Variants in PPFIA4 observed in about 807,000 individuals in gnomAD.
PPFIA4 encodes the protein PPFI scaffold protein A4, also known as liprin-alpha-4.
PPFIA4 carries 98 observed loss-of-function variants against 145.7 expected under a neutral mutation model. The observed-to-expected ratio is 0.67, with a 90% CI of 0.57 to 0.80. The LOEUF (loss-of-function observed/expected upper bound fraction) is 0.80. PPFIA4 is among the 30% of genes least tolerant of loss of function. The pLI, the probability that PPFIA4 is intolerant of heterozygous loss-of-function variation, is 0.00. For synonymous variants in PPFIA4, 628 were observed against 649.6 expected (o/e 0.97, Z 0.51); for missense variants, 1,457 against 1,632.7 (o/e 0.89, Z 1.85).
intron 28 of PPFIA4, among the ~76,000 whole-genome samples, chr1:203,072,825 A>C (rs1662262147): frequency 6.6e-6 from 1 of 152,180 alleles, no homozygotes. Flanking sequence ...GGGAGAAAAG[A>C]ATAGACTTAT....
rs1371466295 is a variant in PPFIA4, at chr1:203,058,136, C to G, written c.2408-1042C>G. Among the ~76,000 whole-genome samples, 3 of 152,020 alleles carry G rather than the reference C, an allele frequency of 2.0e-5. No homozygotes were observed. In the East Asian group the frequency reaches 5.8e-4, roughly 29 times the overall value. On this transcript the variant is annotated intron_variant, in intron 19 of 29. Transcript: ENST00000295706. ...AACTAGAATAAAGGAACCTTTGGACCCAAATGCATAATTAGACCTTTCTGC... is the reference window on the plus strand; with the variant it reads ...AACTAGAATAAAGGAACCTTTGGACGCAAATGCATAATTAGACCTTTCTGC...
chr1:203,067,071 C>G (rs1661773164), intron 25 of PPFIA4, among the ~76,000 whole-genome samples: 1 of 152,116 alleles, frequency 6.6e-6, no homozygotes, highest in Admixed American at 6.5e-5. Context: ...GACATTTAAG[C>G]AAAGACTTAA....
Position 203,076,547 on chromosome 1 carries a change from A to T in PPFIA4, c.*157A>T. On this transcript the variant is annotated 3_prime_UTR_variant, in exon 30 of 30. Coordinates refer to ENST00000295706, the MANE Select transcript of PPFIA4 (RefSeq NM_001304331.2). The stretch of plus-strand genomic sequence containing the variant: ...GAATATATTCGTCCACCCCCTCGGC[A>T]CCCCATTACCCCGAGTCCCACCGTG... 1 of 684,594 alleles carries T rather than the reference A, an allele frequency of 1.5e-6. No homozygotes were observed. The highest frequency in any genetic ancestry group is 2.5e-6 in the Non-Finnish European group (1 of 399,360). The allele number at this position is 684,594 out of a possible 1,614,324, so 42.4% of individuals were successfully genotyped here. A position where few individuals can be genotyped will look rare whatever the true frequency, so the allele number is the denominator to read the frequency against.
At chr1:203,061,248 G>A in intron 23 of PPFIA4, 1 of 592,578 alleles carries the variant, frequency 1.7e-6, no homozygotes, top group East Asian at 2.9e-5. Flanking sequence ...TCCTTCCCAG[G>A]AGGTCACAAG....
intron 1 of PPFIA4, among the ~76,000 whole-genome samples, chr1:203,037,660 T>A (rs1465176099): frequency 6.6e-6 from 1 of 152,238 alleles, no homozygotes; most frequent in Non-Finnish European, 1.5e-5. Context: ...ATTGGGCTCC[T>A]GTGCCAGGCT....
At position 203,075,703 on chromosome 1, in the gene PPFIA4, A is replaced by G; in HGVS notation, c.3520A>G (p.Thr1174Ala). 6.9e-7 allele frequency: 1 copy of G among 1,451,642 alleles called. No homozygotes were observed. The allele number at this position is 1,451,642 out of a possible 1,614,324, so 89.9% of individuals were successfully genotyped here. The change falls in exon 29 of 30, where the codon ACC becomes GCC. Residue 1174 changes from threonine (T) to alanine (A), a missense_variant. Transcript: ENST00000295706. This position sits in a 1 kb window ranked among gnomAD's most constrained non-coding sequence, Gnocchi z 4.1. ...ETLPAGFRVS[T>A]LGTLQPPPAP... is the part of the protein sequence containing the mutation. ...CCTCCCGGCGGGCTTCCGTGTGTCC[A>G]CCCTGGGGACCCTGCAGCCCCCACC...
At chr1:203,059,297 C>T (rs1331002674) in intron 20 of PPFIA4, 26 bp downstream of exon 20, 1 of 1,466,222 alleles carries the variant, frequency 6.8e-7, no homozygotes, top group Non-Finnish European at 9.4e-7. Flanking sequence ...CAGGGTCTGC[C>T]AGGGTGGGGC....
chr1:203,049,087 C>A, intron 12 of PPFIA4, 107 bp downstream of exon 12: 1 of 1,058,936 alleles, frequency 9.4e-7, no homozygotes, highest in Non-Finnish European at 1.4e-6. Flanking sequence ...AGTGTTAGTG[C>A]ATATGTTAGT....
At position 203,075,598 on chromosome 1, in the gene PPFIA4, C is replaced by G; in HGVS notation, c.3415C>G (p.Arg1139Gly). Residue 1139 changes from arginine (R) to glycine (G), a missense_variant, in exon 29 of 30, where the codon CGC (arginine) becomes GGC (glycine). Arg to Gly is a moderately radical substitution (Grantham distance 125). Transcript: ENST00000295706. This position sits in a 1 kb window ranked among gnomAD's most constrained non-coding sequence, Gnocchi z 4.1. ...LDDGDDKVFR[R>G]APSWRKRFRP... ...GCAGGGGGATGACAAGGTGTTTCGC[C>G]GCGCGCCCTCCTGGAGGAAGCGCTT... 6.8e-7 allele frequency: 1 copy of G among 1,463,310 alleles called. No individual in the cohort carries two copies. The highest frequency in any genetic ancestry group is 2.7e-5 in the East Asian group (1 of 36,598). 90.6% of individuals were successfully genotyped at this position (1,463,310 alleles called of 1,614,324 possible). A position where few individuals can be genotyped will look rare whatever the true frequency, so the allele number is the denominator to read the frequency against.
At chr1:203,042,918 C>T (rs371482801) in intron 2 of PPFIA4, among the ~76,000 whole-genome samples, 28 of 152,318 alleles carry the variant, frequency 1.8e-4, no homozygotes, top group African/African-American at 6.0e-4. Flanking sequence ...GGATTACAGG[C>T]GTGAGTCACT....
At position 203,075,649 on chromosome 1, in the gene PPFIA4, G is replaced by A. The variant is rs12130501; in HGVS notation, c.3466G>A (p.Gly1156Ser). ...RFRPREHHGRGGMLSASAETL... is the reference protein window; with the variant it reads ...RFRPREHHGRSGMLSASAETL... ...CCGGCCGCGGGAGCACCACGGTCGC[G>A]GCGGCATGCTCAGCGCTTCCGCGGA... Residue 1156 changes from glycine to serine, a missense_variant, in exon 29 of 30, where the codon GGC becomes AGC. By Grantham distance (56) the Gly-to-Ser change is moderately conservative (BLOSUM62 0). Coordinates refer to ENST00000295706, the MANE Select transcript of PPFIA4 (RefSeq NM_001304331.2). This position sits in a 1 kb window ranked among gnomAD's most constrained non-coding sequence, Gnocchi z 4.1. 0.023 allele frequency: 33,929 copies of A among 1,504,838 alleles called. 474 individuals carry two copies. The highest frequency in any genetic ancestry group is 0.027 in the Non-Finnish European group (30,484 of 1,125,392). The allele number at this position is 1,504,838 out of a possible 1,614,324, so 93.2% of individuals were successfully genotyped here.
At chr1:203,035,284 C>T (rs867031176) in intron 1 of PPFIA4, 17 of 456,724 alleles carry the variant, frequency 3.7e-5, no homozygotes, top group Middle Eastern at 6.5e-4. Flanking sequence ...GGCAACCTTG[C>T]CTTTGTCCAG....
chr1:203,072,247 C>G (rs139758657), intron 28 of PPFIA4, among the ~76,000 whole-genome samples: 335 of 152,268 alleles, frequency 2.2e-3, no homozygotes, highest in African/African-American at 7.8e-3. Flanking sequence ...CAGGTTTGCT[C>G]TCTCGCTCCC....
chr1:203,043,836 T>C lies in PPFIA4; in HGVS notation c.337-95T>C. On this transcript the variant is annotated intron_variant, in intron 3 of 29. Coordinates refer to ENST00000295706, the MANE Select transcript of PPFIA4 (RefSeq NM_001304331.2). This position sits in a 1 kb window ranked among gnomAD's most constrained non-coding sequence, Gnocchi z 4.4. The stretch of plus-strand genomic sequence containing the variant: ...GTTTTCACAGTGGGGTGGCTGTAAC[T>C]CATGTCTGCTCGGGGATCACATGGA... 1 of 1,283,168 alleles carries C rather than the reference T, an allele frequency of 7.8e-7. No individual in the cohort carries two copies. Among genetic ancestry groups the C allele is most frequent in the Middle Eastern group, 1.9e-4 (1 of 5,226 alleles). The allele number at this position is 1,283,168 out of a possible 1,614,324, so 79.5% of individuals were successfully genotyped here.
chr1:203,055,318 G>T lies in PPFIA4; in HGVS notation c.1830-114G>T. The T allele has an allele frequency of 7.3e-7, 1 of 1,373,094 alleles. No individual in the cohort carries two copies. The highest frequency in any genetic ancestry group is 1.0e-6 in the Non-Finnish European group (1 of 978,534). 85.1% of individuals were successfully genotyped at this position (1,373,094 alleles called of 1,614,324 possible). On this transcript the variant is annotated intron_variant, in intron 15 of 29. Coordinates refer to ENST00000295706, the MANE Select transcript of PPFIA4 (RefSeq NM_001304331.2). The surrounding 1 kb of genome is among the most constrained non-coding windows in gnomAD (Gnocchi z 4.8). Reference sequence around the variant, plus strand: ...AGCTCCAGTGGGACAGACAAAGCCTGGCGGGTGTACACCGCATGTGGTCCT... The same window carrying T: ...AGCTCCAGTGGGACAGACAAAGCCTTGCGGGTGTACACCGCATGTGGTCCT...
intron 27 of PPFIA4, among the ~76,000 whole-genome samples, chr1:203,069,837 C>A (rs548176270): frequency 4.4e-4 from 57 of 128,816 alleles, no homozygotes; most frequent in African/African-American, 1.7e-3. Flanking sequence ...CTGGATTTTT[C>A]CCCCAAGTGC....
intron 25 of PPFIA4, among the ~76,000 whole-genome samples, chr1:203,065,182 G>A (rs1252717496): frequency 6.6e-6 from 1 of 152,184 alleles, no homozygotes; most frequent in Non-Finnish European, 1.5e-5. Flanking sequence ...GAGTACAGGG[G>A]AACCCAGGTA....
rs1660226647 is a variant in PPFIA4 at position 203,048,265 on chromosome 1, G to GCAGCTGGAGGGA, written c.1190_1201dup (p.Gly397_Glu400dup). On this transcript the variant is annotated inframe_insertion, in exon 10 of 30. Transcript: ENST00000295706. The surrounding 1 kb of genome is among the most constrained non-coding windows in gnomAD (Gnocchi z 5.8). ...ATGGCAACATTGAGGAGCACCTGCG[G>GCAGCTGGAGGGA]CAGCTGGAGGGACAGCTGGAGGAGA... 1 of 1,612,732 alleles carries GCAGCTGGAGGGA rather than the reference G, an allele frequency of 6.2e-7. No individual in the cohort carries two copies. The highest frequency in any genetic ancestry group is 8.5e-7 in the Non-Finnish European group (1 of 1,179,852).
At chr1:203,074,067 G>A (rs71637303) in intron 28 of PPFIA4, among the ~76,000 whole-genome samples, 9,151 of 152,220 alleles carry the variant, frequency 0.06, 293 homozygotes, top group East Asian at 0.096. Context: ...TTGAGAGAAA[G>A]AGCGAGAAAG....
Sources: gnomAD v4.1 joint callset for allele counts (sites outside exome capture counted in the v4.1 genomes callset) on GRCh38, gnomAD v4.1.1 for gene constraint, Gnocchi (gnomAD v3.1) non-coding constraint, MANE v1.5 for transcripts, NCBI Gene and HGNC (gene_info 2026-07-23, HGNC 2026-07-21) for gene names.